ARHGAP42: variants seen among roughly 807,000 people sequenced by gnomAD.
The protein encoded by ARHGAP42 is Rho GTPase activating protein 42.
Under a neutral mutation model 125.0 loss-of-function variants are expected in ARHGAP42, and 63 were observed. That is an observed-to-expected ratio of 0.50 (90% CI 0.41 to 0.62). The LOEUF is 0.62. ARHGAP42 is among the 20% of genes least tolerant of loss of function. The pLI is 0.00. For synonymous variants in ARHGAP42, 339 were observed against 351.0 expected (o/e 0.97, Z 0.38); for missense variants, 766 against 1,024.2 (o/e 0.75, Z 3.44).
At chr11:100,831,675 C>A (rs1450582945) in intron 3 of ARHGAP42, among the ~76,000 whole-genome samples, 1 of 152,134 alleles carries the variant, frequency 6.6e-6, no homozygotes, top group Non-Finnish European at 1.5e-5. Context: ...CTTGCCTCTG[C>A]CAGGGCATGG....
chr11:100,772,406 G>A (rs486023), intron 2 of ARHGAP42, among the ~76,000 whole-genome samples: 38,682 of 152,086 alleles, frequency 0.25, 5,837 homozygotes, highest in East Asian at 0.49. Context: ...TATGCCAAGT[G>A]GTCACTCTCT....
At chr11:100,987,215 G>A (rs1858701923) in intron 22 of ARHGAP42, among the ~76,000 whole-genome samples, 1 of 152,088 alleles carries the variant, frequency 6.6e-6, no homozygotes, top group African/African-American at 2.4e-5. Context: ...TTATTAAACA[G>A]TTAAATAATA....
chr11:100,785,209 G>A (rs916113720), intron 2 of ARHGAP42, among the ~76,000 whole-genome samples: 56 of 152,072 alleles, frequency 3.7e-4, no homozygotes, highest in Non-Finnish European at 7.5e-4. Flanking sequence ...TTGAGAGGAC[G>A]AGGGCCCCTT....
chr11:100,687,625 G>GC lies in ARHGAP42; in HGVS notation c.-51dup. 1 of 1,268,306 alleles carries GC rather than the reference G, an allele frequency of 7.9e-7. No homozygotes were observed. Among genetic ancestry groups the GC allele is most frequent in the African/African-American group, 1.6e-5 (1 of 64,430 alleles). 78.6% of individuals were successfully genotyped at this position (1,268,306 alleles called of 1,614,324 possible). ...CCCGCCGCGGCCGCCGGCTGCCCCC[G>GC]CCCTGACCTCCGGCCCGGACGTGTC... On this transcript the variant is annotated 5_prime_UTR_variant, in exon 1 of 24. Coordinates refer to ENST00000298815, the MANE Select transcript of ARHGAP42 (RefSeq NM_152432.4).
rs376974573 is a variant in ARHGAP42, at chr11:100,731,468, G to T, written c.155-38875G>T. 5.9e-5 allele frequency among the ~76,000 whole-genome samples: 9 copies of T among 152,238 alleles called. No homozygotes were observed. The East Asian group carries it at 9.6e-4, about 16-fold the overall frequency. ...CCGGCCATCATTATATTCTTTTAAA[G>T]GTTTGAAGTCAACACAGTAAATAAC... On this transcript the variant is annotated intron_variant, in intron 1 of 23. Coordinates refer to ENST00000298815, the MANE Select transcript of ARHGAP42 (RefSeq NM_152432.4).
At chr11:100,793,985 A>G (rs892636564) in intron 2 of ARHGAP42, among the ~76,000 whole-genome samples, 1 of 142,682 alleles carries the variant, frequency 7.0e-6, no homozygotes, top group African/African-American at 2.6e-5. Context: ...TGGGAGGCTG[A>G]GGTGGGAAGA....
At chr11:100,736,236 C>A (rs546894601) in intron 1 of ARHGAP42, among the ~76,000 whole-genome samples, 1 of 152,284 alleles carries the variant, frequency 6.6e-6, no homozygotes, top group Admixed American at 6.5e-5. Flanking sequence ...GAATTCTCAT[C>A]ATTTTGTGAA....
Position 100,885,492 on chromosome 11 carries a change from G to A in ARHGAP42, c.384+25867G>A, listed in dbSNP as rs76456048. The stretch of plus-strand genomic sequence containing the variant: ...TTTAAATCCCATTTTTTTCCACTGG[G>A]GTATCGGATGCCTTTTATAATTTCT... On this transcript the variant is annotated intron_variant, in intron 4 of 23. Transcript: ENST00000298815. Among the ~76,000 whole-genome samples the A allele has an allele frequency of 6.1e-3, 926 of 152,008 alleles. 5 individuals are homozygous for A. The highest frequency in any genetic ancestry group is 0.033 in the South Asian group (161 of 4,806).
At chr11:100,779,764 A>C (rs1005464077) in intron 2 of ARHGAP42, among the ~76,000 whole-genome samples, 2 of 151,320 alleles carry the variant, frequency 1.3e-5, no homozygotes, top group African/African-American at 4.9e-5. Context: ...GGTGACTCAC[A>C]TCTGTAATCC....
chr11:100,903,712 ATATATATATATATATATATATATATATAT>A lies in ARHGAP42; in HGVS notation c.385-9739_385-9711del, dbSNP rs1866632622. Among the ~76,000 whole-genome samples, 4 of 33,428 alleles carry A rather than the reference ATATATATATATATATATATATATATATAT, an allele frequency of 1.2e-4. 1 individual carries two copies. The highest frequency in any genetic ancestry group is 3.0e-4 in the African/African-American group (4 of 13,198). The allele number at this position is 33,428 out of a possible 152,430, so 21.9% of individuals were successfully genotyped here. A position where few individuals can be genotyped will look rare whatever the true frequency, so the allele number is the denominator to read the frequency against. ...TATATATATACATGTCCCTCAAAAT[ATATATATATATATATATATATATATATAT>A]ATATATATATATATGTATGTAAAGG... On this transcript the variant is annotated intron_variant, in intron 4 of 23. Transcript: ENST00000298815.
chr11:100,861,477 G>A (rs1178864565), intron 4 of ARHGAP42, among the ~76,000 whole-genome samples: 1 of 152,152 alleles, frequency 6.6e-6, no homozygotes, highest in Non-Finnish European at 1.5e-5. Context: ...ATGGATAGGA[G>A]GCCAGACTAC....
chr11:100,975,664 A>C (rs1489134726), intron 19 of ARHGAP42, among the ~76,000 whole-genome samples: 2 of 152,204 alleles, frequency 1.3e-5, no homozygotes, highest in Non-Finnish European at 2.9e-5. Context: ...TGTTTTTACT[A>C]TACCCCCTTT....
intron 3 of ARHGAP42, among the ~76,000 whole-genome samples, chr11:100,820,084 G>A (rs1037606164): frequency 6.6e-6 from 1 of 152,076 alleles, no homozygotes; most frequent in African/African-American, 2.4e-5. Flanking sequence ...GCATAATAAA[G>A]GCTTGGGTTT....
intron 2 of ARHGAP42, among the ~76,000 whole-genome samples, chr11:100,779,551 C>CGTAT (rs747888545): frequency 7.9e-6 from 1 of 126,932 alleles, no homozygotes; most frequent in African/African-American, 3.1e-5. Context: ...TATATATATA[C>CGTAT]ATATACATAC....
chr11:100,791,176 C>A (rs1863559862), intron 2 of ARHGAP42, among the ~76,000 whole-genome samples: 1 of 152,130 alleles, frequency 6.6e-6, no homozygotes. Flanking sequence ...GAAGTTCTAA[C>A]CCTGGCCTCT....
intron 4 of ARHGAP42, among the ~76,000 whole-genome samples, chr11:100,899,654 G>A (rs1284650643): frequency 6.7e-6 from 1 of 149,606 alleles, no homozygotes; most frequent in Non-Finnish European, 1.5e-5. Context: ...TCAGAGACTA[G>A]GATTGTAGTC....
chr11:100,875,115 G>C (rs893343361), intron 4 of ARHGAP42, among the ~76,000 whole-genome samples: 5,772 of 63,022 alleles, frequency 0.092, 144 homozygotes, highest in Non-Finnish European at 0.12. Context: ...CTCTGTGTGT[G>C]TGTGTGTGTG....
intron 3 of ARHGAP42, among the ~76,000 whole-genome samples, chr11:100,849,036 A>G (rs1185610810): frequency 6.6e-6 from 1 of 152,214 alleles, no homozygotes; most frequent in Non-Finnish European, 1.5e-5. Flanking sequence ...CCTCATAGCC[A>G]ATTCTATGAA....
At chr11:100,842,363 G>T (rs755951358) in intron 3 of ARHGAP42, among the ~76,000 whole-genome samples, 1 of 152,090 alleles carries the variant, frequency 6.6e-6, no homozygotes, top group African/African-American at 2.4e-5. Flanking sequence ...AATGCAAATA[G>T]ATATAGCAGC....
Sources: gnomAD v4.1 joint callset for allele counts (sites outside exome capture counted in the v4.1 genomes callset) on GRCh38, gnomAD v4.1.1 for gene constraint, MANE v1.5 for transcripts, NCBI Gene and HGNC (gene_info 2026-07-23, HGNC 2026-07-21) for gene names.